SLX4: variants seen among roughly 807,000 people sequenced by gnomAD.
The protein encoded by SLX4 is SLX4 structure-specific endonuclease subunit, also known as structure-specific endonuclease subunit SLX4.
Under a neutral mutation model 146.2 loss-of-function variants are expected in SLX4, and 112 were observed. That is an observed-to-expected ratio of 0.77 (90% CI 0.66 to 0.90). The LOEUF is 0.90. SLX4 is among the 40% of genes least tolerant of loss of function. The probability of loss-of-function intolerance (pLI) is 0.00; values close to 1 mark genes in which losing one functional copy is unlikely to be tolerated. For synonymous variants in SLX4, 1,061 were observed against 997.7 expected, an observed-to-expected ratio of 1.06 and a Z score of -1.20; for missense variants, 2,563 against 2,392.7, an observed-to-expected ratio of 1.07 and a Z score of -1.49.
chr16:3,584,568 G>A (rs2040486219), intron 13 of SLX4, among the ~76,000 whole-genome samples: 1 of 152,202 alleles, frequency 6.6e-6, no homozygotes, highest in East Asian at 1.9e-4. Flanking sequence ...AGAGAGAACT[G>A]GGAGGCTCAC....
chr16:3,592,782 G>A lies in SLX4; in HGVS notation c.2244C>T (p.Ala748=). The stretch of plus-strand genomic sequence containing the variant: ...TGTAGAGATAGTGCAGGAACGTGCG[G>A]GCGGCCTCGGTGCTCACGTCACCCA... ...VLLGDVSTEA[A]RTFLHYLYTA... The change falls in exon 11 of 15, where the codon GCC becomes GCT. Residue 748 remains alanine (A), a synonymous_variant. Transcript: ENST00000294008. The A allele has an allele frequency of 6.2e-7, 1 of 1,612,734 alleles. No homozygotes were observed. Among genetic ancestry groups the A allele is most frequent in the Non-Finnish European group, 8.5e-7 (1 of 1,180,006 alleles).
intron 9 of SLX4, 97 bp from the exon 10 acceptor site, chr16:3,594,696 GC>G: frequency 6.5e-7 from 1 of 1,547,914 alleles, no homozygotes; most frequent in South Asian, 1.1e-5. Flanking sequence ...GCTAGGGTGG[GC>G]CGGGAGCCAG....
intron 3 of SLX4, among the ~76,000 whole-genome samples, chr16:3,605,946 CAAAAAAA>C (rs1181232820): frequency 4.8e-4 from 13 of 27,014 alleles, no homozygotes; most frequent in African/African-American, 1.7e-3. Flanking sequence ...GACTCCATCT[CAAAAAAA>C]AAAAAAAAAA....
chr16:3,591,371 C>T (rs1027826642), intron 11 of SLX4, 61 bp from the exon 12 acceptor site: 48 of 1,597,732 alleles, frequency 3.0e-5, no homozygotes, highest in South Asian at 4.4e-5. Flanking sequence ...CTGGGTGCCC[C>T]GGTGGGGTGG....
Position 3,602,166 on chromosome 16 carries a change from T to C in SLX4, c.902A>G (p.Lys301Arg). 1.2e-6 allele frequency: 2 copies of C among 1,614,204 alleles called. No individual in the cohort carries two copies. Among genetic ancestry groups the C allele is most frequent in the Non-Finnish European group, 1.7e-6 (2 of 1,180,026 alleles). The change falls in exon 4 of 15, where the codon AAG becomes AGG. Residue 301 changes from lysine (K) to arginine (R), a missense_variant. Physicochemically the swap from Lys to Arg is conservative, Grantham distance 26. Transcript: ENST00000294008. The stretch of plus-strand genomic sequence containing the variant: ...GGTCACGTTCATGGCTGAGAGGTTC[T>C]TTTGACAAATCTGGCAGAAGAACAA... Reference protein sequence around the residue: ...KGLFFCQICQKNLSAMNVTRR... With the variant: ...KGLFFCQICQRNLSAMNVTRR...
chr16:3,587,782 GAGGACACTATC>G (rs2040524598), intron 12 of SLX4, among the ~76,000 whole-genome samples: 1 of 152,186 alleles, frequency 6.6e-6, no homozygotes, highest in South Asian at 2.1e-4. Context: ...CCTGAGGGCC[GAGGACACTATC>G]AGTGGCCTCA....
intron 12 of SLX4, among the ~76,000 whole-genome samples, chr16:3,588,462 C>T (rs928608575): frequency 2.6e-5 from 4 of 152,236 alleles, no homozygotes; most frequent in Admixed American, 2.0e-4. Flanking sequence ...AGATGGACCA[C>T]GTTTGGTTTC....
intron 3 of SLX4, among the ~76,000 whole-genome samples, 189 bp downstream of exon 3, chr16:3,606,285 G>C (rs1004624174): frequency 6.6e-6 from 1 of 152,094 alleles, no homozygotes; most frequent in African/African-American, 2.4e-5. Context: ...TATCAAGGAA[G>C]CTAGGTGGGA....
intron 2 of SLX4, among the ~76,000 whole-genome samples, chr16:3,608,215 C>T (rs942194150): frequency 1.3e-5 from 2 of 152,198 alleles, no homozygotes; most frequent in East Asian, 1.9e-4. Flanking sequence ...TAGCAAACTA[C>T]GGTCATGTGG....
chr16:3,606,917 G>A (rs1567177715), intron 2 of SLX4, among the ~76,000 whole-genome samples: 1 of 152,176 alleles, frequency 6.6e-6, no homozygotes, highest in Non-Finnish European at 1.5e-5. Context: ...GGATGTGACT[G>A]CTAATGAGCA....
intron 8 of SLX4, 148 bp from the exon 9 acceptor site, chr16:3,595,841 C>A: frequency 1.0e-6 from 1 of 974,588 alleles, no homozygotes; most frequent in Admixed American, 2.0e-5. Context: ...AAAGCAAACC[C>A]GCACACCCTG....
rs2040448676 is a variant in SLX4, at chr16:3,582,425, A to G, written c.5422T>C (p.Phe1808Leu). The change falls in exon 15 of 15, where the codon TTC (phenylalanine) becomes CTC (leucine). Residue 1808 changes from phenylalanine to leucine, a missense_variant. Phe to Leu is a conservative substitution (Grantham distance 22). Transcript: ENST00000294008. ...LDFLDTHCIT[F>L]TTAATRREKL... Reference sequence around the variant, plus strand: ...TCCCTGCGGGTGGCGGCAGTGGTGAAGGTGATACAGTGGGTGTCCAGGAAG... The same window carrying G: ...TCCCTGCGGGTGGCGGCAGTGGTGAGGGTGATACAGTGGGTGTCCAGGAAG... 1.2e-6 allele frequency: 2 copies of G among 1,613,768 alleles called. No homozygotes were observed. Among genetic ancestry groups the G allele is most frequent in the Non-Finnish European group, 1.7e-6 (2 of 1,180,042 alleles).
chr16:3,584,743 G>T (rs370438032), intron 13 of SLX4, 26 bp downstream of exon 13: 45 of 1,556,134 alleles, frequency 2.9e-5, no homozygotes, highest in Non-Finnish European at 3.9e-5. Context: ...GACCACTGTG[G>T]GCAACAAGCT....
chr16:3,594,744 A>T, intron 9 of SLX4, 145 bp from the exon 10 acceptor site: 1 of 1,070,914 alleles, frequency 9.3e-7, no homozygotes. Flanking sequence ...AACGCTTCCC[A>T]CGATGGCCTC....
At chr16:3,595,283 G>A (rs569077057) in intron 9 of SLX4, among the ~76,000 whole-genome samples, 47 of 152,334 alleles carry the variant, frequency 3.1e-4, no homozygotes, top group Admixed American at 4.6e-4. Context: ...GGGCAACCGC[G>A]CTGAGAAACT....
rs748242570 is a variant in SLX4 at position 3,582,297 on chromosome 16, T to C, written c.*45A>G. The C allele has an allele frequency of 1.4e-6, 2 of 1,385,564 alleles. No homozygotes were observed. Among genetic ancestry groups the C allele is most frequent in the Admixed American group, 2.1e-5 (1 of 47,196 alleles). The allele number at this position is 1,385,564 out of a possible 1,614,324, so 85.8% of individuals were successfully genotyped here. On this transcript the variant is annotated 3_prime_UTR_variant, in exon 15 of 15. Coordinates refer to ENST00000294008, the MANE Select transcript of SLX4 (RefSeq NM_032444.4). The stretch of plus-strand genomic sequence containing the variant: ...AGGTCCTCCCTGCAAATGGCGGGGG[T>C]GGGGGCTGCTGATGGCAGGTTGGGG...
chr16:3,604,476 G>C (rs1455483591), intron 3 of SLX4, among the ~76,000 whole-genome samples: 1 of 152,082 alleles, frequency 6.6e-6, no homozygotes, highest in Non-Finnish European at 1.5e-5. Flanking sequence ...GCAGAATCTA[G>C]GGGTAAAGGA....
rs776189589 is a variant in SLX4 at position 3,597,647 on chromosome 16, A to G, written c.1415T>C (p.Leu472Ser). 139 of 1,613,944 alleles carry G rather than the reference A, an allele frequency of 8.6e-5. No homozygotes were observed. Among genetic ancestry groups the G allele is most frequent in the Non-Finnish European group, 1.1e-4 (127 of 1,180,006 alleles). The change falls in exon 7 of 15, where the codon TTA (leucine) becomes TCA (serine). Residue 472 changes from leucine to serine, a missense_variant. Physicochemically the swap from Leu to Ser is moderately radical, Grantham distance 145. Coordinates refer to ENST00000294008, the MANE Select transcript of SLX4 (RefSeq NM_032444.4). The surrounding 1 kb of genome is among the most constrained non-coding windows in gnomAD (Gnocchi z 4.4). ...KKPPVSPPLL[L>S]VQDSETTGRQ... The stretch of plus-strand genomic sequence containing the variant: ...GCCTGTGGTTTCAGAGTCCTGGACT[A>G]ACAACAATGGGGGGGATACCGGGGG...
intron 8 of SLX4, 84 bp downstream of exon 8, chr16:3,596,069 G>C (rs1311312259): frequency 1.3e-6 from 2 of 1,496,082 alleles, no homozygotes; most frequent in Admixed American, 2.3e-5. Context: ...GGCGGCACAA[G>C]AGCCAGTCCA....
Sources: gnomAD v4.1 joint callset for allele counts (sites outside exome capture counted in the v4.1 genomes callset) on GRCh38, gnomAD v4.1.1 for gene constraint, Gnocchi (gnomAD v3.1) non-coding constraint, MANE v1.5 for transcripts, NCBI Gene and HGNC (gene_info 2026-07-23, HGNC 2026-07-21) for gene names.